Variants in ELAVL4 observed in about 807,000 individuals in gnomAD.
ELAVL4 encodes the protein ELAV-like protein 4.
In ELAVL4, 1 loss-of-function variant was observed where a neutral mutation model predicts 35.6. That is an observed-to-expected ratio of 0.03 (90% CI 0.01 to 0.13). The LOEUF (loss-of-function observed/expected upper bound fraction) is 0.13, where lower values mean the gene tolerates loss of function less well. ELAVL4 is among the 10% of genes least tolerant of loss of function. ELAVL4 has a pLI of 1.00. For synonymous variants in ELAVL4, 156 were observed against 171.0 expected (o/e 0.91, Z 0.69); for missense variants, 267 against 464.9 (o/e 0.57, Z 3.91).
At chr1:50,086,505 C>T (rs1458992708) in intron 1 of ELAVL4, among the ~76,000 whole-genome samples, 1 of 149,532 alleles carries the variant, frequency 6.7e-6, no homozygotes, top group Non-Finnish European at 1.5e-5. Context: ...TATATACTCT[C>T]TCTGCTCTGC....
chr1:50,054,272 C>T (rs1465666914), intron 1 of ELAVL4, among the ~76,000 whole-genome samples: 2 of 152,158 alleles, frequency 1.3e-5, no homozygotes, highest in Non-Finnish European at 2.9e-5. Context: ...TCTGCTAATT[C>T]TGCTGCTGGC....
intron 1 of ELAVL4, among the ~76,000 whole-genome samples, chr1:50,118,838 G>A (rs1052303162): frequency 7.9e-5 from 12 of 151,622 alleles, no homozygotes; most frequent in African/African-American, 2.9e-4. Flanking sequence ...AGGATATAAA[G>A]GGAAGTCGAT....
At chr1:50,147,470 GAGA>G (rs1673925090) in intron 2 of ELAVL4, among the ~76,000 whole-genome samples, 1 of 152,178 alleles carries the variant, frequency 6.6e-6, no homozygotes, top group African/African-American at 2.4e-5. Context: ...CTAAAAGTCA[GAGA>G]AGGAGGGAGA....
upstream of ELAVL4, among the ~76,000 whole-genome samples, chr1:50,100,507 G>A (rs1056197702): frequency 2.6e-5 from 4 of 152,014 alleles, no homozygotes; most frequent in African/African-American, 9.7e-5. Context: ...TCATTCTTTG[G>A]ATCTCGCCTC....
intron 3 of ELAVL4, among the ~76,000 whole-genome samples, chr1:50,189,013 C>A (rs898618602): frequency 6.6e-6 from 1 of 152,158 alleles, no homozygotes; most frequent in Non-Finnish European, 1.5e-5. Context: ...CATCCCAGGG[C>A]CTGGCACATA....
At chr1:50,158,814 G>A (rs1045139078) in intron 2 of ELAVL4, among the ~76,000 whole-genome samples, 1 of 152,162 alleles carries the variant, frequency 6.6e-6, no homozygotes, top group Non-Finnish European at 1.5e-5. Flanking sequence ...TCCAAGGCGG[G>A]TGGATCACGA....
intron 1 of ELAVL4, among the ~76,000 whole-genome samples, chr1:50,059,070 T>A (rs1468829242): frequency 6.6e-6 from 1 of 152,176 alleles, no homozygotes; most frequent in Non-Finnish European, 1.5e-5. Context: ...AGTCTCTGGG[T>A]CCAGGTGGTC....
rs1265085201 is a variant in ELAVL4 at position 50,201,457 on chromosome 1, T to C, written c.*279T>C. 1.0e-5 allele frequency: 2 copies of C among 199,752 alleles called. No homozygotes were observed. Among genetic ancestry groups the C allele is most frequent in the African/African-American group, 4.7e-5 (2 of 42,930 alleles). 12.4% of individuals were successfully genotyped at this position (199,752 alleles called of 1,614,324 possible). A position where few individuals can be genotyped will look rare whatever the true frequency, so the allele number is the denominator to read the frequency against. ...CTTTCATAGCTGTCGTTGTTGAATA[T>C]AATATACATAGATAGCGATGTGCAG... On this transcript the variant is annotated 3_prime_UTR_variant, in exon 7 of 7. Coordinates refer to ENST00000371824, the MANE Select transcript of ELAVL4 (RefSeq NM_001144774.3). This position sits in a 1 kb window ranked among gnomAD's most constrained non-coding sequence, Gnocchi z 4.3.
chr1:50,137,950 T>C (rs916728734), intron 1 of ELAVL4, among the ~76,000 whole-genome samples: 15 of 152,184 alleles, frequency 9.9e-5, no homozygotes, highest in Non-Finnish European at 8.8e-5. Flanking sequence ...GAGTGCTCCA[T>C]GTACATTATC....
exon 1 of ELAVL4, chr1:50,048,059 C>G: frequency 7.6e-7 from 1 of 1,312,422 alleles, no homozygotes; most frequent in Non-Finnish European, 9.9e-7. Flanking sequence ...AGCCGCAGAG[C>G]GAGCTAGAGA....
At chr1:50,133,130 C>T (rs1671144887) in intron 1 of ELAVL4, among the ~76,000 whole-genome samples, 1 of 152,158 alleles carries the variant, frequency 6.6e-6, no homozygotes, top group Admixed American at 6.5e-5. Context: ...CCGTTTTTCT[C>T]ACTCCTCTTA....
At chr1:50,088,495 T>TTCCCCACTGAAGAGTTGGTGCC (rs1193602066) in intron 1 of ELAVL4, among the ~76,000 whole-genome samples, 7 of 152,308 alleles carry the variant, frequency 4.6e-5, no homozygotes, top group African/African-American at 1.7e-4. Flanking sequence ...GGCTCTCATC[T>TTCCCCACTGAAGAGTTGGTGCC]TCCCCACTGA....
intron 2 of ELAVL4, among the ~76,000 whole-genome samples, chr1:50,151,418 T>C (rs1215630374): frequency 6.6e-6 from 1 of 152,232 alleles, no homozygotes; most frequent in Non-Finnish European, 1.5e-5. Context: ...GGAGTGGTTT[T>C]TTCACTTCTG....
At chr1:50,119,035 A>AG (rs1491424496) in intron 1 of ELAVL4, among the ~76,000 whole-genome samples, 7 of 116,540 alleles carry the variant, frequency 6.0e-5, no homozygotes, top group African/African-American at 1.7e-4. Flanking sequence ...AGAAAGAAAG[A>AG]AAAAGAAAGA....
intron 1 of ELAVL4, among the ~76,000 whole-genome samples, chr1:50,054,664 T>C (rs1663566282): frequency 6.6e-6 from 1 of 152,204 alleles, no homozygotes; most frequent in Non-Finnish European, 1.5e-5. Flanking sequence ...ATTAATATTA[T>C]TAATTTGATC....
intron 2 of ELAVL4, among the ~76,000 whole-genome samples, chr1:50,161,197 AGGAATTC>A (rs1173854814): frequency 6.6e-6 from 1 of 152,186 alleles, no homozygotes; most frequent in Non-Finnish European, 1.5e-5. Flanking sequence ...ACCAAGAATT[AGGAATTC>A]TGGTTCATTT....
upstream of ELAVL4, among the ~76,000 whole-genome samples, chr1:50,099,186 G>T (rs1468327697): frequency 6.6e-6 from 1 of 152,100 alleles, no homozygotes; most frequent in Admixed American, 6.5e-5. Flanking sequence ...CATATTCCAG[G>T]TACTGTTATT....
intron 6 of ELAVL4, among the ~76,000 whole-genome samples, chr1:50,199,775 A>G (rs1644292258): frequency 1.3e-5 from 2 of 152,208 alleles, no homozygotes; most frequent in African/African-American, 4.8e-5. Flanking sequence ...TTGATATGAA[A>G]CAAAACATTA....
At chr1:50,149,007 A>G (rs943848481) in intron 2 of ELAVL4, among the ~76,000 whole-genome samples, 2 of 152,004 alleles carry the variant, frequency 1.3e-5, no homozygotes, top group African/African-American at 2.4e-5. Flanking sequence ...GAGCTGAATT[A>G]TTATTATTAT....
Sources: gnomAD v4.1 joint callset for allele counts (sites outside exome capture counted in the v4.1 genomes callset) on GRCh38, gnomAD v4.1.1 for gene constraint, Gnocchi (gnomAD v3.1) non-coding constraint, MANE v1.5 for transcripts, NCBI Gene and HGNC (gene_info 2026-07-23, HGNC 2026-07-21) for gene names.